The following MACF1 variants were observed in gnomAD, a reference collection of about 807,000 sequenced individuals.
MACF1 encodes the protein microtubule actin crosslinking factor 1, also known as microtubule-actin cross-linking factor 1.
MACF1 carries 193 observed loss-of-function variants against 854.8 expected under a neutral mutation model. That is an observed-to-expected ratio of 0.23 (90% CI 0.20 to 0.25). The LOEUF (loss-of-function observed/expected upper bound fraction) is 0.25, where lower values mean the gene tolerates loss of function less well. MACF1 is among the 10% of genes least tolerant of loss of function. The pLI is 1.00. For synonymous variants in MACF1, 3,185 were observed against 3,226.7 expected, an observed-to-expected ratio of 0.99 and a Z score of 0.44; for missense variants, 7,722 against 8,929.1, an observed-to-expected ratio of 0.86 and a Z score of 5.45.
intron 1 of MACF1, among the ~76,000 whole-genome samples, chr1:39,213,214 G>A (rs1469678158): frequency 6.6e-6 from 1 of 152,212 alleles, no homozygotes; most frequent in Non-Finnish European, 1.5e-5. Flanking sequence ...CACATTAACT[G>A]TGAACTAACA....
At chr1:39,371,980 A>AT (rs537622524) in intron 51 of MACF1, among the ~76,000 whole-genome samples, 9,392 of 148,484 alleles carry the variant, frequency 0.063, 387 homozygotes, top group African/African-American at 0.12. Context: ...CGCCCGGCTA[A>AT]TTTTTTTTTT....
At chr1:39,348,598 C>A (rs989971589) in intron 41 of MACF1, among the ~76,000 whole-genome samples, 1 of 152,182 alleles carries the variant, frequency 6.6e-6, no homozygotes, top group African/African-American at 2.4e-5. Context: ...CAGAGCCCTT[C>A]TATTTGTCCT....
intron 51 of MACF1, 100 bp from the exon 52 acceptor site, chr1:39,372,379 A>T (rs1479979061): frequency 1.5e-6 from 1 of 665,212 alleles, no homozygotes; most frequent in African/African-American, 1.8e-5. Flanking sequence ...TGGTCTCTTA[A>T]TGCTTTTCAA....
intron 20 of MACF1, among the ~76,000 whole-genome samples, chr1:39,297,119 G>A (rs1166919483): frequency 6.6e-6 from 1 of 151,956 alleles, no homozygotes; most frequent in Non-Finnish European, 1.5e-5. Context: ...GTAGAGACGG[G>A]GTTTCACCAT....
At chr1:39,262,397 C>CAAAAAAAAAAAAA (rs56376033) in intron 6 of MACF1, among the ~76,000 whole-genome samples, 1 of 68,800 alleles carries the variant, frequency 1.5e-5, no homozygotes, top group Non-Finnish European at 2.5e-5. Context: ...GACTCCATCA[C>CAAAAAAAAAAAAA]AAAAAAAAAA....
intron 40 of MACF1, among the ~76,000 whole-genome samples, chr1:39,342,536 C>CTTTTT (rs1422574585): frequency 3.7e-5 from 5 of 133,622 alleles, no homozygotes; most frequent in Non-Finnish European, 3.2e-5. Flanking sequence ...GGTTGGCAAA[C>CTTTTT]TTTTTTTTTT....
At chr1:39,221,664 G>C (rs376944664) in intron 1 of MACF1, among the ~76,000 whole-genome samples, 3 of 152,160 alleles carry the variant, frequency 2.0e-5, no homozygotes, top group Non-Finnish European at 4.4e-5. Flanking sequence ...TATTTAAAAG[G>C]CTATTTAAAA....
rs755492107 is a variant in MACF1, at chr1:39,437,793, A to G, written c.18005A>G (p.Glu6002Gly). ...SQSTQFHDKI[E>G]PMLETLENLS... is the part of the protein sequence containing the mutation. The stretch of plus-strand genomic sequence containing the variant: ...TTTGTTTAGTTTCATGATAAAATTG[A>G]GCCTATGTTGGAGACACTGGAGAAT... The change falls in exon 71 of 101, where the codon GAG (glutamate) becomes GGG (glycine). Residue 6002 changes from glutamate (E) to glycine (G), a missense_variant. Physicochemically the swap from Glu to Gly is moderately conservative, Grantham distance 98. Around this residue, in one of 15 missense-constraint regions of MACF1, gnomAD observed 2,807 missense variants for 3,235.8 expected, o/e 0.87. Coordinates refer to ENST00000564288, the MANE Select transcript of MACF1 (RefSeq NM_001394062.1). The G allele has an allele frequency of 6.2e-7, 1 of 1,613,258 alleles. No individual in the cohort carries two copies. Among genetic ancestry groups the G allele is most frequent in the Non-Finnish European group, 8.5e-7 (1 of 1,179,204 alleles).
intron 2 of MACF1, among the ~76,000 whole-genome samples, chr1:39,088,533 A>T (rs1467788550): frequency 6.6e-6 from 1 of 152,210 alleles, no homozygotes; most frequent in Non-Finnish European, 1.5e-5. Context: ...GGTCTATAGA[A>T]CCAGGAAAGG....
intron 5 of MACF1, chr1:39,254,692 A>G (rs1187870452): frequency 3.4e-6 from 1 of 295,290 alleles, no homozygotes; most frequent in Admixed American, 4.8e-5. Flanking sequence ...AGATGGAAAA[A>G]AGGTGTGGCA....
chr1:39,109,474 A>G (rs1642337802), intron 2 of MACF1, among the ~76,000 whole-genome samples: 1 of 151,760 alleles, frequency 6.6e-6, no homozygotes, highest in South Asian at 2.1e-4. Flanking sequence ...ATGGGGTTTC[A>G]CCATGTTGGC....
chr1:39,480,665 A>G (rs1644996852), intron 98 of MACF1, among the ~76,000 whole-genome samples: 1 of 152,090 alleles, frequency 6.6e-6, no homozygotes, highest in Admixed American at 6.5e-5. Context: ...AAAATAAGGA[A>G]AAAGGACAGA....
intron 2 of MACF1, among the ~76,000 whole-genome samples, chr1:39,155,344 T>C (rs940259037): frequency 6.6e-6 from 1 of 152,252 alleles, no homozygotes; most frequent in African/African-American, 2.4e-5. Context: ...GTTCAAGTGG[T>C]TAAGTCAGTT....
intron 26 of MACF1, among the ~76,000 whole-genome samples, chr1:39,314,563 T>TCA (rs1557582352): frequency 2.3e-5 from 1 of 43,880 alleles, no homozygotes; most frequent in Non-Finnish European, 8.3e-5. Flanking sequence ...TCTCTCTCTC[T>TCA]CTCTCTCACA....
intron 84 of MACF1, among the ~76,000 whole-genome samples, chr1:39,449,592 A>G (rs1429935476): frequency 6.6e-6 from 1 of 150,870 alleles, no homozygotes; most frequent in Non-Finnish European, 1.5e-5. Context: ...TAGAGAAGGG[A>G]TTTCACTGTG....
chr1:39,137,321 C>T (rs575591783), intron 2 of MACF1, among the ~76,000 whole-genome samples: 2 of 152,270 alleles, frequency 1.3e-5, no homozygotes, highest in East Asian at 3.9e-4. Context: ...CTGTGTGCCT[C>T]GGCCTCTCAA....
At chr1:39,358,612 A>T in intron 45 of MACF1, 85 bp from the exon 46 acceptor site, 1 of 1,310,848 alleles carries the variant, frequency 7.6e-7, no homozygotes, top group Non-Finnish European at 1.1e-6. Flanking sequence ...GTTGTCTGTA[A>T]CAAAGCCAGG....
intron 2 of MACF1, among the ~76,000 whole-genome samples, chr1:39,149,753 A>G (rs1643537925): frequency 1.3e-5 from 2 of 151,804 alleles, no homozygotes; most frequent in South Asian, 4.2e-4. Flanking sequence ...AAAGTCCTCC[A>G]TAATTGCCTC....
intron 1 of MACF1, among the ~76,000 whole-genome samples, chr1:39,222,561 C>T (rs1041800647): frequency 6.6e-6 from 1 of 152,202 alleles, no homozygotes; most frequent in South Asian, 2.1e-4. Flanking sequence ...TTCTATCACG[C>T]CTTCCATGAA....
Sources: allele counts gnomAD v4.1 joint callset (sites outside exome capture counted in the v4.1 genomes callset), GRCh38; gene constraint gnomAD v4.1.1; regional missense constraint gnomAD v4.1.1; transcripts MANE v1.5; gene names NCBI Gene and HGNC (gene_info 2026-07-23, HGNC 2026-07-21).